PASK: variants seen among roughly 807,000 people sequenced by gnomAD.
PASK encodes the protein PAS domain containing serine/threonine kinase.
PASK carries 110 observed loss-of-function variants against 121.0 expected under a neutral mutation model. That is an observed-to-expected ratio of 0.91 (90% CI 0.78 to 1.06). PASK has a LOEUF of 1.06. Ranked by LOEUF, PASK falls within the 50% of genes least tolerant of loss-of-function variation. PASK has a pLI of 0.00. For missense variants in PASK, 1,643 were observed against 1,702.3 expected (o/e 0.97, Z 0.61); for synonymous variants, 686 against 717.8 (o/e 0.96, Z 0.71).
chr2:241,133,177 C>T, intron 8 of PASK, 147 bp from the exon 9 acceptor site: 3 of 761,266 alleles, frequency 3.9e-6, no homozygotes, highest in Non-Finnish European at 6.9e-6. Flanking sequence ...CAGGTCCAAC[C>T]CAGCGCCCTC....
At chr2:241,135,306 G>A (rs1251027581) in intron 8 of PASK, among the ~76,000 whole-genome samples, 1 of 152,146 alleles carries the variant, frequency 6.6e-6, no homozygotes, top group Non-Finnish European at 1.5e-5. Flanking sequence ...TCAGGGGATG[G>A]GTTCCAGGAC....
Position 241,108,151 on chromosome 2 carries a change from T to TG in PASK, c.3667+15dup. 2 of 1,614,034 alleles carry TG rather than the reference T, an allele frequency of 1.2e-6. No individual in the cohort carries two copies. Among genetic ancestry groups the TG allele is most frequent in the Non-Finnish European group, 1.7e-6 (2 of 1,179,942 alleles). ...AGGACAGTGTCGACTGTCTACCACT[T>TG]GCAGCTCACGCTCACCTTTGGACAC... On this transcript the variant is annotated intron_variant, in intron 16 of 17. Coordinates refer to ENST00000234040, the MANE Select transcript of PASK (RefSeq NM_015148.4). The surrounding 1 kb of genome is among the most constrained non-coding windows in gnomAD (Gnocchi z 5.2).
chr2:241,126,293 C>G lies in PASK; in HGVS notation c.2622G>C (p.Thr874=). The G allele has an allele frequency of 6.2e-7, 1 of 1,614,136 alleles. No homozygotes were observed. The highest frequency in any genetic ancestry group is 2.2e-5 in the East Asian group (1 of 44,874). ...CAGCCCCGCGCATCACGATCACGGGCGTGGAGGTGACCTGGACGTTCAGCC... is the reference window on the plus strand; with the variant it reads ...CAGCCCCGCGCATCACGATCACGGGGGTGGAGGTGACCTGGACGTTCAGCC... ...EPRLNVQVTS[T]PVIVMRGAAG... The change falls in exon 10 of 18, where the codon ACG becomes ACC. Residue 874 remains threonine (T), a synonymous_variant. Transcript: ENST00000234040.
chr2:241,138,554 T>C, intron 5 of PASK, 100 bp downstream of exon 5: 2 of 1,418,598 alleles, frequency 1.4e-6, no homozygotes, highest in Non-Finnish European at 2.0e-6. Context: ...TCATCCTCTC[T>C]TTCTTCCCAA....
In PASK at chr2:241,135,819, T is replaced by C; in HGVS notation, c.1306+52A>G. 2.6e-6 allele frequency: 4 copies of C among 1,534,984 alleles called. No individual in the cohort carries two copies. In the South Asian group the frequency reaches 3.4e-5, roughly 13 times the overall value. On this transcript the variant is annotated intron_variant, in intron 8 of 17. Transcript: ENST00000234040. ...CAGCCCTGTCTCAGAGGCATGGGGCTGTCTGGGGCTCAGCAGCTACAGGCG... is the reference window on the plus strand; with the variant it reads ...CAGCCCTGTCTCAGAGGCATGGGGCCGTCTGGGGCTCAGCAGCTACAGGCG...
chr2:241,149,191 G>C (rs1308707531), intron 1 of PASK, among the ~76,000 whole-genome samples: 2 of 152,146 alleles, frequency 1.3e-5, no homozygotes, highest in Non-Finnish European at 2.9e-5. Context: ...GCGGGGCCCA[G>C]GGCCAACGGC....
At chr2:241,149,795 C>T, upstream of PASK, 1 of 1,534,320 alleles carries the variant, frequency 6.5e-7, no homozygotes, top group East Asian at 2.4e-5. Context: ...GGTGGCTCCG[C>T]AGGGTAGACG....
At position 241,106,677 on chromosome 2, in the gene PASK, G is replaced by C. The variant is rs1020853036; in HGVS notation, c.3861C>G (p.Ser1287Arg). The C allele has an allele frequency of 1.9e-5, 31 of 1,614,004 alleles. No individual in the cohort carries two copies. Among genetic ancestry groups the C allele is most frequent in the Non-Finnish European group, 2.4e-5 (28 of 1,179,956 alleles). The change falls in exon 18 of 18, where the codon AGC becomes AGG. Residue 1287 changes from serine to arginine, a missense_variant. Around this residue, in one of 3 missense-constraint regions of PASK, gnomAD observed 453 missense variants for 511.2 expected, o/e 0.89. Transcript: ENST00000234040. The stretch of plus-strand genomic sequence containing the variant: ...CCTGAGCCTGGGCCACATCACTCAG[G>C]CTCCTGTTCCCCATCTCCAGGCTCG... Reference protein sequence around the residue: ...SAASLEMGNRSLSDVAQAQEL... With the variant: ...SAASLEMGNRRLSDVAQAQEL...
At chr2:241,125,599 C>CA (rs1367902342) in intron 10 of PASK, among the ~76,000 whole-genome samples, 9 of 56,574 alleles carry the variant, frequency 1.6e-4, no homozygotes, top group Admixed American at 7.7e-4. Flanking sequence ...GACTCTGTCT[C>CA]AAAAAAAAAG....
intron 6 of PASK, among the ~76,000 whole-genome samples, chr2:241,137,616 C>T (rs978387386): frequency 1.3e-5 from 2 of 152,222 alleles, no homozygotes; most frequent in African/African-American, 4.8e-5. Flanking sequence ...CATCCTTGAT[C>T]TGGCACCAGG....
In PASK at chr2:241,126,413, C is replaced by T; in HGVS notation, c.2502G>A (p.Glu834=). 6.2e-7 allele frequency: 1 copy of T among 1,614,244 alleles called. No individual in the cohort carries two copies. Among genetic ancestry groups the T allele is most frequent in the Non-Finnish European group, 8.5e-7 (1 of 1,180,046 alleles). The part of the protein sequence containing the change: ...EPLEVCLVSS[E]HYAASDRESP... The stretch of plus-strand genomic sequence containing the variant: ...TTTCTCTGTCGCTTGCTGCATAATG[C>T]TCAGAGGACACCAAACAAACCTCAA... The change falls in exon 10 of 18, where the codon GAG becomes GAA. Residue 834 remains glutamate (E), a synonymous_variant. Coordinates refer to ENST00000234040, the MANE Select transcript of PASK (RefSeq NM_015148.4).
At position 241,124,106 on chromosome 2, in the gene PASK, T is replaced by G. The variant is rs760650369; in HGVS notation, c.2747A>C (p.Glu916Ala). ...LSIQFEVRRV[E>A]LQGPTPLFCC... ...GAACAGAGGTGTGGGGCCCTGGAGCTCCACCCGCCTCACCTCAAACTGTAT... is the reference window on the plus strand; with the variant it reads ...GAACAGAGGTGTGGGGCCCTGGAGCGCCACCCGCCTCACCTCAAACTGTAT... The change falls in exon 11 of 18, where the codon GAG becomes GCG. Residue 916 changes from glutamate (E) to alanine (A), a missense_variant. By Grantham distance (107) the Glu-to-Ala change is moderately radical. Transcript: ENST00000234040. 6.2e-7 allele frequency: 1 copy of G among 1,607,192 alleles called. No homozygotes were observed. Among genetic ancestry groups the G allele is most frequent in the Non-Finnish European group, 8.5e-7 (1 of 1,177,362 alleles).
chr2:241,110,800 G>A (rs576015324), intron 15 of PASK, among the ~76,000 whole-genome samples: 29 of 152,326 alleles, frequency 1.9e-4, no homozygotes, highest in Non-Finnish European at 3.4e-4. Flanking sequence ...GCCCACCAGC[G>A]CCCACCAGGC....
chr2:241,150,175 C>A, upstream of PASK: 7 of 1,277,926 alleles, frequency 5.5e-6, no homozygotes, highest in Non-Finnish European at 6.9e-6. Flanking sequence ...GGGCGTCTCT[C>A]CACTCTGCCT....
Position 241,140,512 on chromosome 2 carries a change from A to G in PASK, c.429+9T>C, listed in dbSNP as rs1575335970. ...TCTACACAGCTGGATCTAAAAGAGA[A>G]GCAAATACCTCTGTGGTCTTGGCAT... is the stretch of plus-strand genomic sequence containing the variant. On this transcript the variant is annotated intron_variant, in intron 3 of 17. Transcript: ENST00000234040. The G allele has an allele frequency of 1.3e-6, 2 of 1,568,962 alleles. No homozygotes were observed. The highest frequency in any genetic ancestry group is 1.8e-6 in the Non-Finnish European group (2 of 1,141,202).
Position 241,112,346 on chromosome 2 carries a change from T to G in PASK, c.3427A>C (p.Lys1143Gln). ...NIVIAEDFTI[K>Q]LIDFGSAAYL... ...GCGGCCGAGCCAAAGTCTATCAGCT[T>G]GATTGTGAAGTCCTCGGCGATCACG... The change falls in exon 15 of 18, where the codon AAG becomes CAG. Residue 1143 changes from lysine (K) to glutamine (Q), a missense_variant. Transcript: ENST00000234040. This position sits in a 1 kb window ranked among gnomAD's most constrained non-coding sequence, Gnocchi z 5.2. The G allele has an allele frequency of 6.2e-7, 1 of 1,613,632 alleles. No individual in the cohort carries two copies. Among genetic ancestry groups the G allele is most frequent in the Non-Finnish European group, 8.5e-7 (1 of 1,179,712 alleles).
At position 241,108,350 on chromosome 2, in the gene PASK, G is replaced by A. The variant is rs1448090602; in HGVS notation, c.3534-50C>T. On this transcript the variant is annotated intron_variant, in intron 15 of 17. Transcript: ENST00000234040. The surrounding 1 kb of genome is among the most constrained non-coding windows in gnomAD (Gnocchi z 5.2). ...ACGCCACGGCACTCAGCGCAGGCTT[G>A]CCAAGCCCGCCCATGGGAAGCACCA... 2 of 1,601,580 alleles carry A rather than the reference G, an allele frequency of 1.2e-6. No homozygotes were observed. The highest frequency in any genetic ancestry group is 3.4e-4 in the Middle Eastern group (2 of 5,920).
chr2:241,149,762 C>T (rs3806601), upstream of PASK: 29,296 of 1,538,976 alleles, frequency 0.019, 2,448 homozygotes, highest in East Asian at 0.23. Flanking sequence ...GCGGAGGACG[C>T]GGGGCGGCTC....
At position 241,106,626 on chromosome 2, in the gene PASK, G is replaced by A. The variant is rs769732105; in HGVS notation, c.3912C>T (p.Gly1304=). The A allele has an allele frequency of 1.1e-5, 17 of 1,614,108 alleles. No individual in the cohort carries two copies. Among genetic ancestry groups the A allele is most frequent in the South Asian group, 2.2e-5 (2 of 91,092 alleles). The change falls in exon 18 of 18, where the codon GGC becomes GGT. Residue 1304 remains glycine, a synonymous_variant. Transcript: ENST00000234040. ...AQELCGGPVP[G]EAPNGQGCLH... ...AACAGCCTTGGCCATTAGGAGCCTCGCCTGGAACGGGGCCCCCACAAAGCT... is the reference window on the plus strand; with the variant it reads ...AACAGCCTTGGCCATTAGGAGCCTCACCTGGAACGGGGCCCCCACAAAGCT...
Sources: allele counts gnomAD v4.1 joint callset (sites outside exome capture counted in the v4.1 genomes callset), GRCh38; gene constraint gnomAD v4.1.1; regional missense constraint gnomAD v4.1.1; non-coding constraint Gnocchi (gnomAD v3.1); transcripts MANE v1.5; gene names NCBI Gene and HGNC (gene_info 2026-07-23, HGNC 2026-07-21).